The following OXSR1 variants were observed in gnomAD, a reference collection of about 807,000 sequenced individuals.
OXSR1 encodes the protein serine/threonine-protein kinase OSR1.
OXSR1 carries 24 observed loss-of-function variants against 79.8 expected under a neutral mutation model. The ratio of observed to expected loss-of-function variants is 0.30; its 90% confidence interval spans 0.22 to 0.42. OXSR1 has a LOEUF of 0.42. Among genes scored for constraint, OXSR1 ranks in the 10% least tolerant of loss-of-function variants. OXSR1 has a pLI of 1.00. For synonymous variants in OXSR1, 226 were observed against 209.2 expected, an observed-to-expected ratio of 1.08 and a Z score of -0.69; for missense variants, 430 against 618.4, an observed-to-expected ratio of 0.70 and a Z score of 3.23.
At chr3:38,235,836 C>G (rs1303731700) in intron 10 of OXSR1, among the ~76,000 whole-genome samples, 1 of 152,192 alleles carries the variant, frequency 6.6e-6, no homozygotes, top group East Asian at 1.9e-4. Flanking sequence ...TTCAGAAATG[C>G]ATGACTTTAA....
chr3:38,221,318 C>T (rs1454200308), intron 5 of OXSR1, among the ~76,000 whole-genome samples: 1 of 151,970 alleles, frequency 6.6e-6, no homozygotes, highest in Non-Finnish European at 1.5e-5. Context: ...TGAGGTCTCC[C>T]TATGTTGCTT....
chr3:38,185,984 TGAAA>T (rs1402353133), intron 2 of OXSR1, among the ~76,000 whole-genome samples: 1 of 116,482 alleles, frequency 8.6e-6, no homozygotes, highest in Non-Finnish European at 1.8e-5. Context: ...AAAAGTCATG[TGAAA>T]GAAAGGGGAG....
At chr3:38,182,764 T>A (rs1701812002) in intron 1 of OXSR1, among the ~76,000 whole-genome samples, 1 of 152,214 alleles carries the variant, frequency 6.6e-6, no homozygotes, top group Non-Finnish European at 1.5e-5. Flanking sequence ...TGCCATTGTA[T>A]CCTGGAACTG....
chr3:38,217,832 A>G (rs908763447), intron 5 of OXSR1, among the ~76,000 whole-genome samples: 1 of 152,114 alleles, frequency 6.6e-6, no homozygotes, highest in East Asian at 1.9e-4. Flanking sequence ...GTCTCCATGA[A>G]TTTGACTACT....
rs752280094 is a variant in OXSR1, at chr3:38,236,865, G to A, written c.978G>A (p.Gly326=). ...TTCGGAGAGTACCAGGTTCCAGTGG[G>A]CGTCTTCATAAGACAGAGGATGGAG... The part of the protein sequence containing the change: ...KKVRRVPGSS[G]RLHKTEDGGW... The change falls in exon 11 of 18, where the codon GGG becomes GGA. Residue 326 remains glycine, a synonymous_variant. Transcript: ENST00000311806. 3.7e-6 allele frequency: 6 copies of A among 1,611,874 alleles called. No homozygotes were observed. The African/African-American group carries it at 5.3e-5, about 14-fold the overall frequency.
At chr3:38,181,117 CTT>C (rs74541704) in intron 1 of OXSR1, among the ~76,000 whole-genome samples, 4 of 142,466 alleles carry the variant, frequency 2.8e-5, no homozygotes, top group Admixed American at 7.0e-5. Context: ...AGGCTTTGTT[CTT>C]TTTTTTTTTT....
At chr3:38,175,931 TTTA>T (rs1322354683) in intron 1 of OXSR1, among the ~76,000 whole-genome samples, 2 of 152,208 alleles carry the variant, frequency 1.3e-5, no homozygotes, top group Non-Finnish European at 2.9e-5. Flanking sequence ...TGCAAATTGT[TTTA>T]AATTTTCCAT....
chr3:38,209,579 A>G (rs866907396), intron 4 of OXSR1, among the ~76,000 whole-genome samples: 17 of 151,106 alleles, frequency 1.1e-4, no homozygotes, highest in Admixed American at 2.6e-4. Context: ...TTTGGTTTCA[A>G]TTGAGCATTT....
intron 3 of OXSR1, 82 bp from the exon 4 acceptor site, chr3:38,198,640 A>G (rs977745260): frequency 2.0e-6 from 2 of 1,015,670 alleles, no homozygotes; most frequent in African/African-American, 1.6e-5. Context: ...GAGAAGGTTC[A>G]CATGTGTTTT....
chr3:38,231,843 AT>A (rs1313670648), intron 10 of OXSR1, among the ~76,000 whole-genome samples: 7 of 152,216 alleles, frequency 4.6e-5, no homozygotes, highest in Non-Finnish European at 1.5e-5. Context: ...GCAGTGGCTC[AT>A]GCCTGTAATC....
intron 2 of OXSR1, among the ~76,000 whole-genome samples, chr3:38,185,389 A>C (rs1034140219): frequency 2.6e-5 from 4 of 151,932 alleles, no homozygotes; most frequent in Admixed American, 6.6e-5. Context: ...GTTTGAGACC[A>C]GCTTGGCCAA....
chr3:38,179,222 G>A (rs577569116), intron 1 of OXSR1, among the ~76,000 whole-genome samples: 154 of 152,136 alleles, frequency 1.0e-3, no homozygotes, highest in African/African-American at 3.5e-3. Flanking sequence ...TAGGGACGGA[G>A]TCCCACTATA....
chr3:38,224,904 TC>T (rs1702660761), intron 8 of OXSR1, 200 bp downstream of exon 8: 1 of 321,352 alleles, frequency 3.1e-6, no homozygotes, highest in South Asian at 9.2e-5. Flanking sequence ...CCTAAATAGT[TC>T]AGCTTTTTCC....
intron 4 of OXSR1, among the ~76,000 whole-genome samples, chr3:38,208,495 A>G (rs1358099234): frequency 6.6e-6 from 1 of 152,210 alleles, no homozygotes; most frequent in Non-Finnish European, 1.5e-5. Context: ...TTTTCTTTGT[A>G]AGACTGAAGC....
intron 6 of OXSR1, among the ~76,000 whole-genome samples, chr3:38,222,378 A>G (rs916031942): frequency 1.3e-5 from 2 of 152,180 alleles, no homozygotes; most frequent in Non-Finnish European, 2.9e-5. Context: ...TTGAGAAGAT[A>G]AGATTGGCTG....
chr3:38,250,094 C>A (rs1703225179), intron 15 of OXSR1, 76 bp downstream of exon 15: 1 of 1,050,238 alleles, frequency 9.5e-7, no homozygotes, highest in South Asian at 1.4e-5. Flanking sequence ...AAGTTTCTGT[C>A]CTTTGTGAAG....
intron 1 of OXSR1, among the ~76,000 whole-genome samples, chr3:38,178,179 T>C (rs967541563): frequency 1.3e-5 from 2 of 152,078 alleles, no homozygotes; most frequent in Non-Finnish European, 2.9e-5. Context: ...TCGAACTCCT[T>C]GGCTCAAGTG....
At position 38,221,662 on chromosome 3, in the gene OXSR1, G is replaced by T. The variant is rs1200680512; in HGVS notation, c.575G>T (p.Trp192Leu). The T allele has an allele frequency of 1.2e-6, 2 of 1,609,346 alleles. No homozygotes were observed. Among genetic ancestry groups the T allele is most frequent in the Non-Finnish European group, 1.7e-6 (2 of 1,176,020 alleles). The change falls in exon 6 of 18, where the codon TGG becomes TTG. Residue 192 changes from tryptophan (W) to leucine (L), a missense_variant. By Grantham distance (61) the Trp-to-Leu change is moderately conservative (BLOSUM62 -2). Coordinates refer to ENST00000311806, the MANE Select transcript of OXSR1 (RefSeq NM_005109.3). ...VRKTFVGTPC[W>L]MAPEVMEQVR... The stretch of plus-strand genomic sequence containing the variant: ...AAGACCTTTGTTGGCACCCCTTGTT[G>T]GATGGCACCTGAAGTTATGGAACAG...
chr3:38,209,638 T>A (rs1702344833), intron 4 of OXSR1, among the ~76,000 whole-genome samples: 1 of 150,180 alleles, frequency 6.7e-6, no homozygotes. Flanking sequence ...TTATACTTTT[T>A]TTTTTTTTTT....
Sources: gnomAD v4.1 joint callset for allele counts (sites outside exome capture counted in the v4.1 genomes callset) on GRCh38, gnomAD v4.1.1 for gene constraint, MANE v1.5 for transcripts, NCBI Gene and HGNC (gene_info 2026-07-23, HGNC 2026-07-21) for gene names.